The following PRPS1 variants were observed in gnomAD, a reference collection of about 807,000 sequenced individuals.
The protein encoded by PRPS1 is ribose-phosphate pyrophosphokinase 1.
In PRPS1, 1 loss-of-function variant was observed where a neutral mutation model predicts 16.9. The observed-to-expected ratio is 0.06, with a 90% CI of 0.02 to 0.28. The LOEUF is 0.28. Among genes scored for constraint, PRPS1 ranks in the 10% least tolerant of loss-of-function variants. The pLI is 1.00. For synonymous variants in PRPS1, 70 were observed against 90.2 expected (o/e 0.78, Z 1.27); for missense variants, 47 against 254.0 (o/e 0.19, Z 5.54).
At chrX:107,646,566 C>T (rs1043519980) in intron 5 of PRPS1, among the ~76,000 whole-genome samples, 1 of 112,226 alleles carries the variant, frequency 8.9e-6, no homozygotes, top group African/African-American at 3.2e-5. Context: ...TGTACAAGTA[C>T]GGGAATACTA....
rs113906370 is a variant in PRPS1, at chrX:107,634,421, C to T, written c.123-4874C>T. Among the ~76,000 whole-genome samples, 202 of 103,063 alleles carry T rather than the reference C, an allele frequency of 2.0e-3. 1 individual carries two copies. The highest frequency in any genetic ancestry group is 6.9e-3 in the African/African-American group (193 of 28,022). The allele number at this position is 103,063 out of a possible 115,157, so 89.5% of individuals were successfully genotyped here. On this transcript the variant is annotated intron_variant, in intron 1 of 6. Coordinates refer to ENST00000372435, the MANE Select transcript of PRPS1 (RefSeq NM_002764.4). ...TTTTTTTTTGTATTTTTAGTAGAGA[C>T]GGGGTTTCACCATGTTAGCCAGGAT... is the stretch of plus-strand genomic sequence containing the variant.
chrX:107,639,600 G>A (rs1289017399), intron 2 of PRPS1, 122 bp downstream of exon 2: 12 of 701,276 alleles, frequency 1.7e-5, no homozygotes, highest in South Asian at 2.5e-5. Context: ...CTTTTCTTAG[G>A]TATTACCCTA....
intron 1 of PRPS1, 87 bp downstream of exon 1, chrX:107,628,837 C>A: frequency 1.7e-6 from 2 of 1,164,243 alleles, no homozygotes; most frequent in Admixed American, 4.6e-5. Flanking sequence ...TGAGCTCAAA[C>A]AGACTGGGGG....
At chrX:107,636,050 C>T (rs1196778448) in intron 1 of PRPS1, among the ~76,000 whole-genome samples, 1 of 76,507 alleles carries the variant, frequency 1.3e-5, no homozygotes, top group Non-Finnish European at 2.4e-5. Flanking sequence ...CAGAGCGAGA[C>T]TGTCTCAAAA....
intron 3 of PRPS1, 43 bp from the exon 4 acceptor site, chrX:107,642,323 G>A (rs1925592033): frequency 8.3e-7 from 1 of 1,209,086 alleles, no homozygotes; most frequent in Non-Finnish European, 1.1e-6. Context: ...ATAAATGGAA[G>A]AGAAGGAAAG....
At chrX:107,642,056 C>G (rs1240448695) in intron 3 of PRPS1, among the ~76,000 whole-genome samples, 1 of 112,474 alleles carries the variant, frequency 8.9e-6, no homozygotes, top group African/African-American at 3.2e-5. Context: ...TACAAACTCA[C>G]TGAGTCTGCA....
intron 1 of PRPS1, among the ~76,000 whole-genome samples, chrX:107,629,025 G>A (rs1431197319): frequency 5.4e-5 from 6 of 111,480 alleles, no homozygotes; most frequent in African/African-American, 2.0e-4. Context: ...AATAGATAGT[G>A]GCTGCATAGA....
At position 107,628,593 on chromosome X, in the gene PRPS1, G is replaced by A. The variant is rs371006312; in HGVS notation, c.-36G>A. 2 of 1,209,671 alleles carry A rather than the reference G, an allele frequency of 1.7e-6. No homozygotes were observed. Among genetic ancestry groups the A allele is most frequent in the Middle Eastern group, 2.5e-4 (1 of 3,998 alleles). Reference sequence around the variant, plus strand: ...CGGTTCCGGTCTCTGCAGCAGCCGTGATCGCTTAGTGGAGTGCTTAGGGTA... The same window carrying A: ...CGGTTCCGGTCTCTGCAGCAGCCGTAATCGCTTAGTGGAGTGCTTAGGGTA... On this transcript the variant is annotated 5_prime_UTR_variant, in exon 1 of 7. Coordinates refer to ENST00000372435, the MANE Select transcript of PRPS1 (RefSeq NM_002764.4).
chrX:107,631,471 A>C (rs1925307413), intron 1 of PRPS1, among the ~76,000 whole-genome samples: 1 of 111,790 alleles, frequency 8.9e-6, no homozygotes. Flanking sequence ...CTTATTGGAC[A>C]TTTCCAGTTT....
At chrX:107,649,440 C>G (rs191651115) in intron 6 of PRPS1, among the ~76,000 whole-genome samples, 1 of 110,248 alleles carries the variant, frequency 9.1e-6, no homozygotes, top group Admixed American at 9.7e-5. Context: ...TGACTCTTTC[C>G]TAAGTGGCTG....
chrX:107,642,665 T>A (rs1185963590), intron 4 of PRPS1, 175 bp downstream of exon 4: 1 of 533,177 alleles, frequency 1.9e-6, no homozygotes, highest in Non-Finnish European at 3.0e-6. Flanking sequence ...CTGTCCTCAG[T>A]TACTACTCGG....
chrX:107,646,507 T>G, intron 5 of PRPS1, among the ~76,000 whole-genome samples: 1 of 111,963 alleles, frequency 8.9e-6, no homozygotes. Context: ...GGTGAATGAT[T>G]CTTGGTTTGG....
intron 1 of PRPS1, 90 bp downstream of exon 1, chrX:107,628,840 A>C: frequency 2.6e-6 from 3 of 1,141,890 alleles, no homozygotes; most frequent in Non-Finnish European, 2.4e-6. Flanking sequence ...GCTCAAACAG[A>C]CTGGGGGTTG....
At chrX:107,629,793 C>G (rs1925268900) in intron 1 of PRPS1, among the ~76,000 whole-genome samples, 1 of 111,978 alleles carries the variant, frequency 8.9e-6, no homozygotes, top group African/African-American at 3.2e-5. Flanking sequence ...CCCCTTCCAC[C>G]TAAGTGTGGG....
intron 2 of PRPS1, 107 bp from the exon 3 acceptor site, chrX:107,640,795 A>C: frequency 2.3e-6 from 2 of 871,909 alleles, no homozygotes; most frequent in South Asian, 4.1e-5. Flanking sequence ...TCTGGGTACC[A>C]TAGTGCCTTT....
chrX:107,640,910 G>A lies in PRPS1; in HGVS notation c.315G>A (p.Ala105=), dbSNP rs768455048. 88 of 1,209,620 alleles carry A rather than the reference G, an allele frequency of 7.3e-5. No individual in the cohort carries two copies. The highest frequency in any genetic ancestry group is 8.7e-5 in the Non-Finnish European group (78 of 895,133). Residue 105 remains alanine, a synonymous_variant, in exon 3 of 7, where the codon GCG becomes GCA. Coordinates refer to ENST00000372435, the MANE Select transcript of PRPS1 (RefSeq NM_002764.4). ...ARQDKKDKSR[A]PISAKLVANM... is the part of the protein sequence containing the mutation. ...TCCTCCCCTCCATTTAGAGCCGGGC[G>A]CCAATCTCAGCCAAGCTTGTTGCAA...
At chrX:107,635,672 T>G (rs1221066128) in intron 1 of PRPS1, among the ~76,000 whole-genome samples, 1 of 110,580 alleles carries the variant, frequency 9.0e-6, no homozygotes, top group Non-Finnish European at 1.9e-5. Flanking sequence ...CAAGCGGTCC[T>G]CCTGCCTCTG....
chrX:107,648,555 G>A (rs191973920), intron 6 of PRPS1, among the ~76,000 whole-genome samples: 3 of 106,550 alleles, frequency 2.8e-5, no homozygotes, highest in East Asian at 3.0e-4. Context: ...AGTGGCTGGC[G>A]TGCACCACCA....
chrX:107,639,168 C>T (rs1292710222), intron 1 of PRPS1, 127 bp from the exon 2 acceptor site: 1 of 808,462 alleles, frequency 1.2e-6, no homozygotes, highest in Non-Finnish European at 1.8e-6. Flanking sequence ...AATACAGGTG[C>T]AATTTTTTCT....
Sources: gnomAD v4.1 joint callset for allele counts (sites outside exome capture counted in the v4.1 genomes callset) on GRCh38, gnomAD v4.1.1 for gene constraint, MANE v1.5 for transcripts, NCBI Gene and HGNC (gene_info 2026-07-23, HGNC 2026-07-21) for gene names.